CHODL: variants seen among roughly 807,000 people sequenced by gnomAD.
The protein encoded by CHODL is transmembrane protein MT75.
Under a neutral mutation model 34.5 loss-of-function variants are expected in CHODL, and 29 were observed. That is an observed-to-expected ratio of 0.84 (90% CI 0.63 to 1.15). CHODL has a LOEUF of 1.15. Ranked by LOEUF, CHODL falls within the 50% of genes most tolerant of loss-of-function variation. The probability of loss-of-function intolerance (pLI) is 0.00; values close to 1 mark genes in which losing one functional copy is unlikely to be tolerated. For missense variants in CHODL, 332 were observed against 332.5 expected, an observed-to-expected ratio of 1.00 and a Z score of 0.01; for synonymous variants, 125 against 116.1, an observed-to-expected ratio of 1.08 and a Z score of -0.49.
At chr21:18,040,575 G>A (rs2064362885) in intron 2 of CHODL, among the ~76,000 whole-genome samples, 2 of 151,812 alleles carry the variant, frequency 1.3e-5, no homozygotes, top group South Asian at 4.1e-4. Context: ...TGATACTAGG[G>A]CTGCATCAGC....
At chr21:18,158,836 C>G (rs1382901803) in intron 2 of CHODL, among the ~76,000 whole-genome samples, 1 of 46,386 alleles carries the variant, frequency 2.2e-5, no homozygotes, top group African/African-American at 7.5e-5. Context: ...GAAACTCCGT[C>G]TTAAAAAAAA....
At position 18,199,101 on chromosome 21, in the gene CHODL, T is replaced by G. The variant is rs372445522; in HGVS notation, c.-44-57408T>G. On this transcript the variant is annotated intron_variant, in intron 2 of 6. Transcript: ENST00000400127. ...TGCTAATAAGTTTACATTCAGAGAT[T>G]TAGTTCTCAAATAACAGATTTGATT... Among the ~76,000 whole-genome samples the G allele has an allele frequency of 6.6e-5, 10 of 152,226 alleles. No homozygotes were observed. In the South Asian group the frequency reaches 2.1e-3, roughly 32 times the overall value.
At chr21:18,153,342 A>G (rs565834860) in intron 2 of CHODL, among the ~76,000 whole-genome samples, 5 of 152,256 alleles carry the variant, frequency 3.3e-5, no homozygotes, top group East Asian at 3.9e-4. Flanking sequence ...CTTGTTGGCT[A>G]TAGGCTGAGG....
intron 1 of CHODL, among the ~76,000 whole-genome samples, chr21:17,950,383 G>A (rs760184917): frequency 1.1e-4 from 17 of 151,602 alleles, no homozygotes; most frequent in Non-Finnish European, 1.9e-4. Context: ...AATAAAATGA[G>A]AGAGAGAGAA....
At chr21:17,975,416 C>T (rs1187040318) in intron 1 of CHODL, among the ~76,000 whole-genome samples, 1 of 152,124 alleles carries the variant, frequency 6.6e-6, no homozygotes, top group Non-Finnish European at 1.5e-5. Context: ...AACAAACCTG[C>T]ACATGTATCC....
intron 2 of CHODL, among the ~76,000 whole-genome samples, chr21:18,178,206 A>C (rs370474476): frequency 1.3e-4 from 20 of 152,128 alleles, no homozygotes; most frequent in African/African-American, 4.3e-4. Context: ...CAAGTTAATT[A>C]TTTTCATGAG....
At chr21:18,145,883 G>A (rs2824653) in intron 2 of CHODL, among the ~76,000 whole-genome samples, 112,682 of 152,212 alleles carry the variant, frequency 0.74, 42,233 homozygotes, top group Non-Finnish European at 0.81. Context: ...CATGCCTGTA[G>A]CTCAATACGG....
intron 2 of CHODL, among the ~76,000 whole-genome samples, chr21:18,101,883 G>T (rs925694782): frequency 2.6e-5 from 4 of 151,806 alleles, no homozygotes; most frequent in Non-Finnish European, 5.9e-5. Context: ...GGCCCAAATT[G>T]GTTTTGAAAA....
intron 1 of CHODL, among the ~76,000 whole-genome samples, chr21:18,005,156 A>G (rs2063948368): frequency 6.6e-6 from 1 of 152,222 alleles, no homozygotes; most frequent in African/African-American, 2.4e-5. Context: ...CGCTGTGGCC[A>G]GATCCTCTGG....
intron 2 of CHODL, among the ~76,000 whole-genome samples, chr21:18,219,948 G>A (rs2073866562): frequency 6.6e-6 from 1 of 152,036 alleles, no homozygotes; most frequent in Non-Finnish European, 1.5e-5. Flanking sequence ...AATCCCATTT[G>A]TCTATTTTTA....
chr21:17,976,757 A>G (rs569467493), intron 1 of CHODL, among the ~76,000 whole-genome samples: 15 of 152,180 alleles, frequency 9.9e-5, no homozygotes, highest in African/African-American at 3.4e-4. Flanking sequence ...TTTCTAATTT[A>G]CTAAGATAAT....
At chr21:17,941,726 G>A (rs1460099701) in intron 1 of CHODL, among the ~76,000 whole-genome samples, 1 of 152,026 alleles carries the variant, frequency 6.6e-6, no homozygotes, top group Non-Finnish European at 1.5e-5. Context: ...AGTTCGCTCA[G>A]GCTACTATAA....
intron 2 of CHODL, among the ~76,000 whole-genome samples, chr21:18,144,022 C>T (rs1005638576): frequency 1.5e-4 from 23 of 151,960 alleles, no homozygotes; most frequent in African/African-American, 5.6e-4. Flanking sequence ...CAACATTGGT[C>T]TAGTAATTTA....
rs570827912 is a variant in CHODL, at chr21:18,097,543, A to C, written c.-45+69572A>C. Among the ~76,000 whole-genome samples the C allele has an allele frequency of 9.3e-4, 142 of 152,280 alleles. No homozygotes were observed. In the Middle Eastern group the frequency reaches 0.01, roughly 11 times the overall value. On this transcript the variant is annotated intron_variant, in intron 2 of 6. Transcript: ENST00000400127. The stretch of plus-strand genomic sequence containing the variant: ...TGAAAGATCTTTACAAATGAAACGT[A>C]TAAAACACTGATGAAAGAAATTGAA...
intron 2 of CHODL, among the ~76,000 whole-genome samples, chr21:18,065,821 T>G (rs555672917): frequency 3.0e-4 from 46 of 152,274 alleles, no homozygotes; most frequent in Non-Finnish European, 5.6e-4. Context: ...TGGTAAATTG[T>G]TCGAGGGTAT....
intron 2 of CHODL, among the ~76,000 whole-genome samples, chr21:18,167,147 C>G (rs147075220): frequency 6.7e-6 from 1 of 150,318 alleles, no homozygotes; most frequent in African/African-American, 2.4e-5. Flanking sequence ...GACAAATATC[C>G]AATTTTAGAA....
chr21:18,260,732 G>A (rs1158596062), intron 4 of CHODL, among the ~76,000 whole-genome samples: 1 of 152,118 alleles, frequency 6.6e-6, no homozygotes, highest in Non-Finnish European at 1.5e-5. Context: ...AGAATCACCT[G>A]AGTCTGGGAA....
At chr21:18,236,848 G>A (rs1420853218) in intron 2 of CHODL, among the ~76,000 whole-genome samples, 9 of 151,986 alleles carry the variant, frequency 5.9e-5, no homozygotes, top group Admixed American at 4.6e-4. Flanking sequence ...ATTTTGTGTT[G>A]TAATTTGTAG....
chr21:18,149,911 C>T (rs13047106), intron 2 of CHODL, among the ~76,000 whole-genome samples: 7,069 of 152,256 alleles, frequency 0.046, 262 homozygotes, highest in Non-Finnish European at 0.074. Context: ...GAGATTTATT[C>T]TGAGCCAAAT....
Sources: allele counts gnomAD v4.1 joint callset (sites outside exome capture counted in the v4.1 genomes callset), GRCh38; gene constraint gnomAD v4.1.1; transcripts MANE v1.5; gene names NCBI Gene and HGNC (gene_info 2026-07-23, HGNC 2026-07-21).